The following ZFPM2 variants were observed in gnomAD, a reference collection of about 807,000 sequenced individuals.
The protein encoded by ZFPM2 is zinc finger protein, FOG family member 2, also known as zinc finger protein ZFPM2.
Under a neutral mutation model 98.6 loss-of-function variants are expected in ZFPM2, and 20 were observed. The observed-to-expected ratio is 0.20, with a 90% CI of 0.14 to 0.29. The LOEUF is 0.29. Ranked by LOEUF, ZFPM2 falls within the 10% of genes least tolerant of loss-of-function variation. The pLI is 1.00. For synonymous variants in ZFPM2, 518 were observed against 502.7 expected (o/e 1.03, Z -0.41); for missense variants, 1,310 against 1,388.6 (o/e 0.94, Z 0.90).
chr8:105,735,164 G>A lies in ZFPM2; in HGVS notation c.533-53554G>A, dbSNP rs185210259. Among the ~76,000 whole-genome samples, 105 of 148,210 alleles carry A rather than the reference G, an allele frequency of 7.1e-4. 1 individual carries two copies. The highest frequency in any genetic ancestry group is 2.1e-3 in the African/African-American group (85 of 40,756). ...TATAATATAGACATAGATCTATATA[G>A]ATCTATATAGATAAATAGATATCCC... is the stretch of plus-strand genomic sequence containing the variant. On this transcript the variant is annotated intron_variant, in intron 5 of 7. Coordinates refer to ENST00000407775, the MANE Select transcript of ZFPM2 (RefSeq NM_012082.4).
At position 105,634,238 on chromosome 8, in the gene ZFPM2, T is replaced by G. The variant is rs1390458200; in HGVS notation, c.421-8T>G. 1 of 1,607,122 alleles carries G rather than the reference T, an allele frequency of 6.2e-7. No homozygotes were observed. Among genetic ancestry groups the G allele is most frequent in the East Asian group, 2.2e-5 (1 of 44,694 alleles). ...AATGGCATCTGTTTGTTATCATTCT[T>G]TCTACAGAAGACAAAGGCTCAGGTC... is the stretch of plus-strand genomic sequence containing the variant. On this transcript the variant is annotated splice_region_variant and splice_polypyrimidine_tract_variant and intron_variant, in intron 4 of 7. Coordinates refer to ENST00000407775, the MANE Select transcript of ZFPM2 (RefSeq NM_012082.4).
chr8:105,437,225 A>G (rs201366424), intron 2 of ZFPM2, among the ~76,000 whole-genome samples: 8 of 152,340 alleles, frequency 5.3e-5, no homozygotes, highest in East Asian at 1.9e-4. Context: ...TTAAATGTGT[A>G]TACTTAACTA....
chr8:105,611,654 A>T (rs995983135), intron 4 of ZFPM2, among the ~76,000 whole-genome samples: 5 of 152,062 alleles, frequency 3.3e-5, no homozygotes, highest in Admixed American at 3.3e-4. Flanking sequence ...CAGAAAAAGA[A>T]ACATTCAATC....
rs556029155 is a variant in ZFPM2, at chr8:105,526,098, C to T, written c.302-35265C>T. Among the ~76,000 whole-genome samples, 25 of 152,160 alleles carry T rather than the reference C, an allele frequency of 1.6e-4. No homozygotes were observed. In the East Asian group the frequency reaches 3.3e-3, roughly 20 times the overall value. On this transcript the variant is annotated intron_variant, in intron 3 of 7. Transcript: ENST00000407775. ...TTTTTATAGAAAATTGAGGTGGCAA[C>T]GCTGTTGTTTTCAACTTTAGACTTT... is the stretch of plus-strand genomic sequence containing the variant.
intron 3 of ZFPM2, among the ~76,000 whole-genome samples, chr8:105,489,336 A>G (rs1342763313): frequency 6.8e-6 from 1 of 147,708 alleles, no homozygotes; most frequent in Non-Finnish European, 1.5e-5. Context: ...CGTTTCATGT[A>G]TATGTAAAAC....
At chr8:105,715,507 C>G (rs149690873) in intron 5 of ZFPM2, among the ~76,000 whole-genome samples, 1 of 150,732 alleles carries the variant, frequency 6.6e-6, no homozygotes, top group African/African-American at 2.4e-5. Context: ...ATATTGTATA[C>G]TTTATTATTA....
At chr8:105,673,684 T>C (rs545195518) in intron 5 of ZFPM2, among the ~76,000 whole-genome samples, 27 of 152,346 alleles carry the variant, frequency 1.8e-4, no homozygotes, top group African/African-American at 6.0e-4. Flanking sequence ...CGCTCATTAC[T>C]ACATTTATAC....
intron 5 of ZFPM2, among the ~76,000 whole-genome samples, chr8:105,655,974 T>C (rs558511633): frequency 1.3e-5 from 2 of 152,276 alleles, no homozygotes; most frequent in East Asian, 3.9e-4. Context: ...ATTAATTTAT[T>C]CCTTCACTTA....
chr8:105,688,989 C>G (rs537150470), intron 5 of ZFPM2, among the ~76,000 whole-genome samples: 98 of 152,250 alleles, frequency 6.4e-4, no homozygotes, highest in African/African-American at 2.2e-3. Flanking sequence ...TACTATTCAC[C>G]TTCTACACTG....
At chr8:105,421,856 G>A (rs1236934868) in intron 2 of ZFPM2, among the ~76,000 whole-genome samples, 1 of 150,388 alleles carries the variant, frequency 6.6e-6, no homozygotes, top group Admixed American at 6.6e-5. Flanking sequence ...AGACCAGCCT[G>A]GCCAACACGG....
chr8:105,389,189 T>C (rs1811060415), intron 1 of ZFPM2, among the ~76,000 whole-genome samples: 1 of 152,022 alleles, frequency 6.6e-6, no homozygotes, highest in Admixed American at 6.6e-5. Context: ...AAGGCGACCA[T>C]AGGACACTCA....
chr8:105,748,189 A>T (rs1291056354), intron 5 of ZFPM2, among the ~76,000 whole-genome samples: 1 of 152,098 alleles, frequency 6.6e-6, no homozygotes, highest in Admixed American at 6.6e-5. Flanking sequence ...GGCTTTAGTT[A>T]TTAAGACAGT....
At chr8:105,605,872 A>C (rs1305093268) in intron 4 of ZFPM2, among the ~76,000 whole-genome samples, 1 of 152,012 alleles carries the variant, frequency 6.6e-6, no homozygotes, top group Non-Finnish European at 1.5e-5. Context: ...AGCAAGTTTT[A>C]GATTGGAGGC....
intron 5 of ZFPM2, among the ~76,000 whole-genome samples, chr8:105,779,466 T>C (rs1030821357): frequency 6.6e-6 from 1 of 152,220 alleles, no homozygotes; most frequent in African/African-American, 2.4e-5. Context: ...TTCAGCGTGC[T>C]ATGTAATTAT....
intron 5 of ZFPM2, among the ~76,000 whole-genome samples, chr8:105,715,500 T>C (rs867647892): frequency 6.6e-6 from 1 of 152,090 alleles, no homozygotes; most frequent in African/African-American, 2.4e-5. Context: ...GATTTTAATA[T>C]TGTATACTTT....
At position 105,514,871 on chromosome 8, in the gene ZFPM2, G is replaced by A. The variant is rs1290483774; in HGVS notation, c.302-46492G>A. The stretch of plus-strand genomic sequence containing the variant: ...GGTTGCACGCAGTGAACTTAATATC[G>A]AGCCTGCACATAGTAGGCTCTTAAT... On this transcript the variant is annotated intron_variant, in intron 3 of 7. Coordinates refer to ENST00000407775, the MANE Select transcript of ZFPM2 (RefSeq NM_012082.4). Among the ~76,000 whole-genome samples, 5 of 152,106 alleles carry A rather than the reference G, an allele frequency of 3.3e-5. No homozygotes were observed. In the East Asian group the frequency reaches 7.7e-4, roughly 23 times the overall value.
At chr8:105,403,287 G>C (rs1811375442) in intron 1 of ZFPM2, among the ~76,000 whole-genome samples, 1 of 151,864 alleles carries the variant, frequency 6.6e-6, no homozygotes, top group Non-Finnish European at 1.5e-5. Flanking sequence ...TTATTAGTGG[G>C]TCCAGCTCTA....
At chr8:105,593,258 G>C (rs1815889299) in intron 4 of ZFPM2, among the ~76,000 whole-genome samples, 1 of 152,056 alleles carries the variant, frequency 6.6e-6, no homozygotes, top group Admixed American at 6.6e-5. Context: ...GTTAATTCTA[G>C]TAATGGAGAA....
chr8:105,735,431 CTATT>C (rs1181957463), intron 5 of ZFPM2, among the ~76,000 whole-genome samples: 2 of 151,610 alleles, frequency 1.3e-5, no homozygotes, highest in Non-Finnish European at 2.9e-5. Flanking sequence ...CAGATTTACT[CTATT>C]TATAAAAACA....
Sources: gnomAD v4.1 joint callset for allele counts (sites outside exome capture counted in the v4.1 genomes callset) on GRCh38, gnomAD v4.1.1 for gene constraint, MANE v1.5 for transcripts, NCBI Gene and HGNC (gene_info 2026-07-23, HGNC 2026-07-21) for gene names.